The following ARHGEF18 variants were observed in gnomAD, a reference collection of about 807,000 sequenced individuals.
ARHGEF18 encodes the protein rho guanine nucleotide exchange factor 18.
In ARHGEF18, 93 loss-of-function variants were observed where a neutral mutation model predicts 155.7. The ratio of observed to expected loss-of-function variants is 0.60; its 90% confidence interval spans 0.50 to 0.71. ARHGEF18 has a LOEUF of 0.71. Among genes scored for constraint, ARHGEF18 ranks in the 30% least tolerant of loss-of-function variants. The probability of loss-of-function intolerance (pLI) is 0.00; values close to 1 mark genes in which losing one functional copy is unlikely to be tolerated. For synonymous variants in ARHGEF18, 742 were observed against 753.1 expected, an observed-to-expected ratio of 0.99 and a Z score of 0.24; for missense variants, 1,593 against 1,816.1, an observed-to-expected ratio of 0.88 and a Z score of 2.23.
chr19:7,398,704 A>AAT (rs112794982), intron 10 of ARHGEF18, among the ~76,000 whole-genome samples: 11 of 147,076 alleles, frequency 7.5e-5, no homozygotes, highest in African/African-American at 2.1e-4. Flanking sequence ...AAAAAAAAAA[A>AAT]AAATAAAGAA....
At chr19:7,406,115 C>T (rs1210010847) in intron 10 of ARHGEF18, among the ~76,000 whole-genome samples, 1 of 152,158 alleles carries the variant, frequency 6.6e-6, no homozygotes, top group Non-Finnish European at 1.5e-5. Flanking sequence ...GAGTTTCGCT[C>T]TGTCACCTAG....
At chr19:7,370,802 C>T (rs1159101452) in intron 2 of ARHGEF18, among the ~76,000 whole-genome samples, 1 of 152,138 alleles carries the variant, frequency 6.6e-6, no homozygotes, top group Non-Finnish European at 1.5e-5. Flanking sequence ...GGACGTTATG[C>T]TCGGTGAAAT....
At chr19:7,365,585 G>A (rs1240901276) in intron 2 of ARHGEF18, among the ~76,000 whole-genome samples, 3 of 152,152 alleles carry the variant, frequency 2.0e-5, no homozygotes, top group East Asian at 1.9e-4. Flanking sequence ...CAGGTAACAC[G>A]GCAATGGGGG....
At chr19:7,364,192 G>A (rs1271076673) in intron 2 of ARHGEF18, among the ~76,000 whole-genome samples, 4 of 150,090 alleles carry the variant, frequency 2.7e-5, no homozygotes, top group Non-Finnish European at 5.9e-5. Context: ...ATGAGAAGAC[G>A]GGTGAGTGGA....
intron 10 of ARHGEF18, among the ~76,000 whole-genome samples, chr19:7,423,426 A>G (rs1045816351): frequency 5.3e-5 from 8 of 152,176 alleles, no homozygotes; most frequent in African/African-American, 1.9e-4. Flanking sequence ...GGCCATGATC[A>G]AAAAGGTAGT....
intron 10 of ARHGEF18, among the ~76,000 whole-genome samples, chr19:7,423,726 C>T (rs1973494179): frequency 6.7e-6 from 1 of 150,330 alleles, no homozygotes; most frequent in Non-Finnish European, 1.5e-5. Context: ...AAAAAAAGCA[C>T]GTGGCAGAAT....
chr19:7,432,712 G>C (rs1379053650), intron 10 of ARHGEF18, among the ~76,000 whole-genome samples: 1 of 152,220 alleles, frequency 6.6e-6, no homozygotes, highest in Non-Finnish European at 1.5e-5. Flanking sequence ...GCCTTCAAAA[G>C]ATGTTTGGGG....
chr19:7,350,783 T>G (rs952156693), intron 1 of ARHGEF18, among the ~76,000 whole-genome samples: 28 of 145,620 alleles, frequency 1.9e-4, no homozygotes, highest in African/African-American at 6.8e-4. Flanking sequence ...TGTGTGTGTG[T>G]GTGTGTGTGT....
chr19:7,372,687 A>G, intron 2 of ARHGEF18, 125 bp from the exon 3 acceptor site: 1 of 1,001,006 alleles, frequency 1.0e-6, no homozygotes, highest in Non-Finnish European at 1.3e-6. Flanking sequence ...TGAGCCCAGG[A>G]GGGACAGGTA....
At chr19:7,410,684 C>T (rs1213635620) in intron 10 of ARHGEF18, among the ~76,000 whole-genome samples, 2 of 151,258 alleles carry the variant, frequency 1.3e-5, no homozygotes, top group African/African-American at 4.9e-5. Flanking sequence ...GTGGCATGCA[C>T]CTATAATCCC....
intron 10 of ARHGEF18, among the ~76,000 whole-genome samples, chr19:7,412,257 C>T (rs1293164608): frequency 6.6e-6 from 1 of 151,148 alleles, no homozygotes; most frequent in Non-Finnish European, 1.5e-5. Flanking sequence ...CTTCGTATTC[C>T]GGCCTCCTCG....
chr19:7,352,281 G>T (rs1969177299), intron 1 of ARHGEF18, among the ~76,000 whole-genome samples: 1 of 151,874 alleles, frequency 6.6e-6, no homozygotes, highest in African/African-American at 2.4e-5. Flanking sequence ...TTTGCTCTCG[G>T]TGAGGGCTAG....
chr19:7,396,725 A>G (rs545857090), intron 10 of ARHGEF18, among the ~76,000 whole-genome samples: 12 of 151,306 alleles, frequency 7.9e-5, no homozygotes, highest in African/African-American at 2.9e-4. Flanking sequence ...AAAAAAAAAA[A>G]GAAGTGTCAG....
intron 15 of ARHGEF18, among the ~76,000 whole-genome samples, chr19:7,450,434 T>G: frequency 6.8e-4 from 1 of 1,470 alleles, no homozygotes; most frequent in Non-Finnish European, 2.0e-3. Flanking sequence ...GATCTTGCTT[T>G]CCGTTTCCGT....
chr19:7,378,123 G>A (rs911883368), intron 5 of ARHGEF18, among the ~76,000 whole-genome samples: 8 of 152,068 alleles, frequency 5.3e-5, no homozygotes, highest in African/African-American at 1.9e-4. Flanking sequence ...GACAATAAGC[G>A]TATCTCCTTC....
At chr19:7,477,504 G>T in the ARHGEF18 span, 1 of 1,258,956 alleles carries the variant, frequency 7.9e-7, no homozygotes, top group Non-Finnish European at 1.0e-6. Context: ...GCCCCTGAAT[G>T]CCCTGTGTGG....
chr19:7,382,824 G>C lies in ARHGEF18; in HGVS notation c.755G>C (p.Ser252Thr). The C allele has an allele frequency of 8.1e-7, 1 of 1,232,546 alleles. No individual in the cohort carries two copies. 76.4% of individuals were successfully genotyped at this position (1,232,546 alleles called of 1,614,324 possible). ...SEDGAGKNEK[S>T]DKSTSVKRRL... is the part of the protein sequence containing the mutation. ...GACGGTGCTGGCAAGAACGAGAAGAGTGACAAGAGTACCAGTGTGAAGCGC... is the reference window on the plus strand; with the variant it reads ...GACGGTGCTGGCAAGAACGAGAAGACTGACAAGAGTACCAGTGTGAAGCGC... Residue 252 changes from serine to threonine, a missense_variant, in exon 9 of 29, where the codon AGT becomes ACT. Physicochemically the swap from Ser to Thr is moderately conservative, Grantham distance 58 (BLOSUM62 1). Transcript: ENST00000668164.
intron 10 of ARHGEF18, among the ~76,000 whole-genome samples, chr19:7,423,964 T>A (rs575065557): frequency 2.0e-5 from 3 of 152,178 alleles, no homozygotes; most frequent in Admixed American, 2.0e-4. Flanking sequence ...ACTGACACAC[T>A]ATTGATTTGG....
chr19:7,361,270 C>G (rs973350324), intron 1 of ARHGEF18, among the ~76,000 whole-genome samples: 14 of 151,872 alleles, frequency 9.2e-5, no homozygotes, highest in African/African-American at 2.7e-4. Flanking sequence ...ACCCCCGTCT[C>G]TACTAAAAAT....
Sources: gnomAD v4.1 joint callset for allele counts (sites outside exome capture counted in the v4.1 genomes callset) on GRCh38, gnomAD v4.1.1 for gene constraint, MANE v1.5 for transcripts, NCBI Gene and HGNC (gene_info 2026-07-23, HGNC 2026-07-21) for gene names.